ALK: variants seen among roughly 807,000 people sequenced by gnomAD.
ALK encodes the protein ALK tyrosine kinase receptor.
A neutral mutation model predicts 163.1 loss-of-function variants in ALK; 74 were observed. The ratio of observed to expected loss-of-function variants is 0.45; its 90% CI spans 0.38 to 0.55. The LOEUF is 0.55. ALK is among the 20% of genes least tolerant of loss of function. The probability of loss-of-function intolerance (pLI) is 0.00; values close to 1 mark genes in which losing one functional copy is unlikely to be tolerated. For missense variants in ALK, 2,063 were observed against 2,105.3 expected (o/e 0.98, Z 0.39); for synonymous variants, 960 against 843.2 (o/e 1.14, Z -2.40).
chr2:29,464,981 C>T (rs1256417901), intron 4 of ALK, among the ~76,000 whole-genome samples: 3 of 152,142 alleles, frequency 2.0e-5, no homozygotes, highest in African/African-American at 7.2e-5. Flanking sequence ...ATATGTGTAA[C>T]TGGAATCCCA....
intron 1 of ALK, among the ~76,000 whole-genome samples, chr2:29,799,811 T>C (rs1664418778): frequency 6.6e-6 from 1 of 152,188 alleles, no homozygotes; most frequent in South Asian, 2.1e-4. Flanking sequence ...AGGCATACTG[T>C]AATATTGTAT....
intron 4 of ALK, among the ~76,000 whole-genome samples, chr2:29,517,765 C>T (rs1479903429): frequency 3.3e-5 from 5 of 152,302 alleles, no homozygotes; most frequent in Non-Finnish European, 7.3e-5. Flanking sequence ...TAAACTACAG[C>T]GTTGGCTGGT....
chr2:29,739,323 C>T (rs1231685060), intron 1 of ALK, among the ~76,000 whole-genome samples: 1 of 149,292 alleles, frequency 6.7e-6, no homozygotes, highest in African/African-American at 2.5e-5. Context: ...ACGCTGGGAG[C>T]CCAAGGCGGG....
In ALK at chr2:29,222,340, T is replaced by A. The variant is rs2148168497; in HGVS notation, c.3515+4A>T. 6.2e-7 allele frequency: 1 copy of A among 1,613,962 alleles called. No homozygotes were observed. On this transcript the variant is annotated splice_donor_region_variant and intron_variant, in intron 22 of 28. Coordinates refer to ENST00000389048, the MANE Select transcript of ALK (RefSeq NM_004304.5). ...GGGGTGAGGGTGTCTCTCTGTGGCT[T>A]TACCTGATGATCAGGGCTTCCATGA...
intron 3 of ALK, among the ~76,000 whole-genome samples, chr2:29,626,724 C>G (rs1013919227): frequency 2.0e-5 from 3 of 152,148 alleles, no homozygotes; most frequent in Admixed American, 6.5e-5. Flanking sequence ...ACCAAATCTG[C>G]CAGCACCTTG....
chr2:29,660,226 C>T lies in ALK; in HGVS notation c.952+34624G>A, dbSNP rs77231153. ...CAGTCAGACTCTGCACCCACAGACACGCTTCTTGACTGGTCATGTTAAATC... is the reference window on the plus strand; with the variant it reads ...CAGTCAGACTCTGCACCCACAGACATGCTTCTTGACTGGTCATGTTAAATC... On this transcript the variant is annotated intron_variant, in intron 3 of 28. Transcript: ENST00000389048. Among the ~76,000 whole-genome samples, 620 of 152,290 alleles carry T rather than the reference C, an allele frequency of 4.1e-3. 1 individual carries two copies. Among genetic ancestry groups the T allele is most frequent in the African/African-American group, 0.013 (541 of 41,578 alleles).
At chr2:29,435,120 G>A (rs1482254817) in intron 4 of ALK, among the ~76,000 whole-genome samples, 1 of 152,120 alleles carries the variant, frequency 6.6e-6, no homozygotes. Flanking sequence ...TCCTACCAGT[G>A]TATTTTTGGG....
chr2:29,695,776 A>C (rs183372172), intron 2 of ALK, among the ~76,000 whole-genome samples: 28 of 152,366 alleles, frequency 1.8e-4, no homozygotes, highest in African/African-American at 6.3e-4. Context: ...GCTCATCATT[A>C]CTGGTCATTA....
At chr2:29,239,589 CAGG>C (rs1382840509) in intron 13 of ALK, 88 bp downstream of exon 13, 4 of 1,498,820 alleles carry the variant, frequency 2.7e-6, no homozygotes, top group East Asian at 2.3e-5. Context: ...TATGAACTTC[CAGG>C]AGGAGGGTGT....
At chr2:29,642,158 A>G (rs1400309926) in intron 3 of ALK, among the ~76,000 whole-genome samples, 1 of 152,176 alleles carries the variant, frequency 6.6e-6, no homozygotes, top group Non-Finnish European at 1.5e-5. Flanking sequence ...GAACTGCTGA[A>G]GTAGAATTTA....
At chr2:29,598,160 G>A (rs1675268343) in intron 3 of ALK, among the ~76,000 whole-genome samples, 1 of 152,182 alleles carries the variant, frequency 6.6e-6, no homozygotes, top group South Asian at 2.1e-4. Context: ...CTGCGTAGCT[G>A]GGATTACAGG....
rs1413940049 is a variant in ALK at position 29,193,386 on chromosome 2, C to G, written c.4701G>C (p.Lys1567Asn). 4 of 1,614,192 alleles carry G rather than the reference C, an allele frequency of 2.5e-6. No homozygotes were observed. The highest frequency in any genetic ancestry group is 3.4e-6 in the Non-Finnish European group (4 of 1,180,038). Reference sequence around the variant, plus strand: ...GACGTAGCCTGAACAGAGGTACCTCCTTCATATTGGCAGTCAGCGAAGAGG... The same window carrying G: ...GACGTAGCCTGAACAGAGGTACCTCGTTCATATTGGCAGTCAGCGAAGAGG... ...LEPSSLTANM[K>N]EVPLFRLRHF... The change falls in exon 29 of 29, where the codon AAG (lysine) becomes AAC (asparagine). Residue 1567 changes from lysine to asparagine, a missense_variant. Physicochemically the swap from Lys to Asn is moderately conservative, Grantham distance 94 (BLOSUM62 0). Around this residue, in one of 5 missense-constraint regions of ALK, gnomAD observed 403 missense variants for 366.2 expected, o/e 1.10. Transcript: ENST00000389048.
At chr2:29,893,108 T>C (rs1667185753) in intron 1 of ALK, among the ~76,000 whole-genome samples, 1 of 152,210 alleles carries the variant, frequency 6.6e-6, no homozygotes, top group African/African-American at 2.4e-5. Flanking sequence ...TCGCCCCTGC[T>C]GCCTGACAGC....
At chr2:29,618,422 T>G (rs927623307) in intron 3 of ALK, among the ~76,000 whole-genome samples, 5 of 152,002 alleles carry the variant, frequency 3.3e-5, no homozygotes, top group Admixed American at 2.6e-4. Flanking sequence ...TTTTTTTTTT[T>G]GTTGACAAAT....
At chr2:29,770,429 A>C (rs924849633) in intron 1 of ALK, among the ~76,000 whole-genome samples, 1 of 152,270 alleles carries the variant, frequency 6.6e-6, no homozygotes, top group Admixed American at 6.5e-5. Flanking sequence ...CAGGGCTTCC[A>C]AACAGCATTC....
intron 2 of ALK, among the ~76,000 whole-genome samples, chr2:29,710,727 GTCT>G (rs1349079093): frequency 4.6e-5 from 7 of 152,124 alleles, no homozygotes; most frequent in Non-Finnish European, 1.0e-4. Flanking sequence ...AGCCAGGCTG[GTCT>G]TGAGCTCCTG....
At chr2:29,584,100 C>T (rs1466340600) in intron 3 of ALK, among the ~76,000 whole-genome samples, 1 of 151,852 alleles carries the variant, frequency 6.6e-6, no homozygotes, top group Non-Finnish European at 1.5e-5. Flanking sequence ...CAAGAGAGCC[C>T]CCTGAAATAC....
chr2:29,554,158 G>C (rs6547944), intron 3 of ALK, among the ~76,000 whole-genome samples: 1 of 151,940 alleles, frequency 6.6e-6, no homozygotes, highest in African/African-American at 2.4e-5. Context: ...GACAAAAATA[G>C]TCACTGTAAA....
At chr2:29,255,346 AATTC>A (rs1664924343) in intron 11 of ALK, among the ~76,000 whole-genome samples, 1 of 152,164 alleles carries the variant, frequency 6.6e-6, no homozygotes, top group Non-Finnish European at 1.5e-5. Flanking sequence ...GCAATCTCTG[AATTC>A]AGTGTTTTCC....
Sources: allele counts gnomAD v4.1 joint callset (sites outside exome capture counted in the v4.1 genomes callset), GRCh38; gene constraint gnomAD v4.1.1; regional missense constraint gnomAD v4.1.1; transcripts MANE v1.5; gene names NCBI Gene and HGNC (gene_info 2026-07-23, HGNC 2026-07-21).